The following DOCK5 variants were observed in gnomAD, a reference collection of about 807,000 sequenced individuals.
The protein encoded by DOCK5 is dedicator of cytokinesis 5.
DOCK5 carries 142 observed loss-of-function variants against 251.8 expected under a neutral mutation model. The observed-to-expected ratio is 0.56, with a 90% CI of 0.49 to 0.65. The LOEUF (loss-of-function observed/expected upper bound fraction) is 0.65. Ranked by LOEUF, DOCK5 falls within the 30% of genes least tolerant of loss-of-function variation. DOCK5 has a pLI of 0.00. For synonymous variants in DOCK5, 842 were observed against 835.5 expected (o/e 1.01, Z -0.13); for missense variants, 2,111 against 2,312.3 (o/e 0.91, Z 1.79).
chr8:25,415,559 G>T lies in DOCK5; in HGVS notation c.*4261G>T, dbSNP rs1801693170. On this transcript the variant is annotated 3_prime_UTR_variant, in exon 52 of 52. Transcript: ENST00000276440. The stretch of plus-strand genomic sequence containing the variant: ...ATTAGCCATATTTTGTGAGTCGTTT[G>T]TCTAAACTTTGTCAAAAATGCCTTT... 1 of 152,264 alleles carries T rather than the reference G, an allele frequency of 6.6e-6. No individual in the cohort carries two copies. The highest frequency in any genetic ancestry group is 2.4e-5 in the African/African-American group (1 of 41,556). 9.4% of individuals were successfully genotyped at this position (152,264 alleles called of 1,614,324 possible).
chr8:25,296,743 C>T, intron 7 of DOCK5, 95 bp downstream of exon 7: 1 of 1,486,156 alleles, frequency 6.7e-7, no homozygotes, highest in East Asian at 2.4e-5. Flanking sequence ...AACAAAACTA[C>T]TTCTGTAGTT....
At chr8:25,185,361 A>G (rs1025680500) in intron 1 of DOCK5, among the ~76,000 whole-genome samples, 2 of 152,110 alleles carry the variant, frequency 1.3e-5, no homozygotes, top group African/African-American at 2.4e-5. Context: ...ACTGGTGCTC[A>G]TTGTCCCAGT....
intron 28 of DOCK5, among the ~76,000 whole-genome samples, chr8:25,360,149 G>C (rs577248789): frequency 2.1e-4 from 32 of 152,194 alleles, no homozygotes; most frequent in Admixed American, 3.9e-4. Flanking sequence ...TAGATGGCCA[G>C]TGCCCCCATG....
intron 1 of DOCK5, among the ~76,000 whole-genome samples, chr8:25,221,467 C>G (rs1802387652): frequency 6.6e-6 from 1 of 152,180 alleles, no homozygotes; most frequent in Non-Finnish European, 1.5e-5. Context: ...CGCCACCATG[C>G]CCGGCTGATT....
chr8:25,367,789 C>T (rs1312478061), intron 31 of DOCK5, among the ~76,000 whole-genome samples: 1 of 152,140 alleles, frequency 6.6e-6, no homozygotes, highest in African/African-American at 2.4e-5. Context: ...ATGTATATTA[C>T]CCCAATATCA....
chr8:25,350,681 G>A (rs909378977), intron 26 of DOCK5, among the ~76,000 whole-genome samples: 7 of 152,336 alleles, frequency 4.6e-5, no homozygotes, highest in Admixed American at 3.9e-4. Flanking sequence ...GCGTGGTTAA[G>A]TTTTGGTTAG....
intron 27 of DOCK5, among the ~76,000 whole-genome samples, chr8:25,357,188 AG>A (rs1800591272): frequency 6.6e-6 from 1 of 151,574 alleles, no homozygotes; most frequent in Non-Finnish European, 1.5e-5. Context: ...TAAACCTCTG[AG>A]TATTAAACCT....
intron 1 of DOCK5, among the ~76,000 whole-genome samples, chr8:25,241,145 A>G (rs537996938): frequency 3.3e-5 from 5 of 152,248 alleles, no homozygotes; most frequent in Non-Finnish European, 5.9e-5. Flanking sequence ...AAAAACTGCA[A>G]TGAGATACCA....
chr8:25,368,319 T>G, intron 32 of DOCK5, 69 bp downstream of exon 32: 1 of 1,417,194 alleles, frequency 7.1e-7, no homozygotes, highest in Non-Finnish European at 9.7e-7. Flanking sequence ...ATAAAGTCTT[T>G]TTTTTATTTT....
chr8:25,192,646 C>T (rs1801613529), intron 1 of DOCK5, among the ~76,000 whole-genome samples: 1 of 152,192 alleles, frequency 6.6e-6, no homozygotes, highest in Non-Finnish European at 1.5e-5. Flanking sequence ...GCTGGAACTA[C>T]AGACACACAC....
intron 6 of DOCK5, among the ~76,000 whole-genome samples, chr8:25,295,681 A>G (rs979997576): frequency 6.6e-6 from 1 of 152,234 alleles, no homozygotes; most frequent in African/African-American, 2.4e-5. Context: ...AATGTAATAA[A>G]CAGTGAGACC....
At chr8:25,390,355 T>C in intron 42 of DOCK5, 68 bp downstream of exon 42, 1 of 1,380,494 alleles carries the variant, frequency 7.2e-7, no homozygotes, top group Non-Finnish European at 9.8e-7. Flanking sequence ...ATCTATAATC[T>C]CAACATTTTC....
intron 30 of DOCK5, 119 bp downstream of exon 30, chr8:25,364,823 G>A (rs1800748174): frequency 2.7e-6 from 2 of 734,586 alleles, no homozygotes; most frequent in Admixed American, 2.8e-5. Context: ...GTTTTCCTGT[G>A]TTTTTTCATT....
intron 26 of DOCK5, among the ~76,000 whole-genome samples, chr8:25,348,142 C>T (rs904982023): frequency 1.3e-5 from 2 of 152,042 alleles, no homozygotes; most frequent in African/African-American, 2.4e-5. Flanking sequence ...TTCTCTTATC[C>T]TCTCATCTCC....
chr8:25,195,629 A>C (rs544177370), intron 1 of DOCK5, among the ~76,000 whole-genome samples: 1 of 152,252 alleles, frequency 6.6e-6, no homozygotes, highest in African/African-American at 2.4e-5. Flanking sequence ...CTCTTATGGA[A>C]TGTGTTTCCC....
chr8:25,397,025 G>A (rs1253161682), intron 45 of DOCK5, among the ~76,000 whole-genome samples: 2 of 152,060 alleles, frequency 1.3e-5, no homozygotes, highest in Non-Finnish European at 2.9e-5. Context: ...ATAGAGACCA[G>A]CCTGGCGAAC....
chr8:25,189,018 T>C (rs1801506450), intron 1 of DOCK5, among the ~76,000 whole-genome samples: 1 of 149,566 alleles, frequency 6.7e-6, no homozygotes, highest in African/African-American at 2.4e-5. Context: ...TGCAAAGCTT[T>C]TTTTTCTTTT....
In DOCK5 at chr8:25,323,999, G is replaced by A. The variant is rs368965124; in HGVS notation, c.1719+48G>A. 83 of 1,510,866 alleles carry A rather than the reference G, an allele frequency of 5.5e-5. No homozygotes were observed. In the Middle Eastern group the frequency reaches 1.0e-3, roughly 19 times the overall value. 93.6% of individuals were successfully genotyped at this position (1,510,866 alleles called of 1,614,324 possible). On this transcript the variant is annotated intron_variant, in intron 17 of 51. Coordinates refer to ENST00000276440, the MANE Select transcript of DOCK5 (RefSeq NM_024940.8). ...GAGAAAAATACTCCCTTTCAAATGA[G>A]CATTTAAGACTCCTTTCATATTTAT...
chr8:25,258,894 G>T (rs578183746), intron 2 of DOCK5, among the ~76,000 whole-genome samples: 1 of 152,272 alleles, frequency 6.6e-6, no homozygotes, highest in East Asian at 1.9e-4. Context: ...TGAGGTGAGT[G>T]GATCACTTGA....
Sources: allele counts gnomAD v4.1 joint callset (sites outside exome capture counted in the v4.1 genomes callset), GRCh38; gene constraint gnomAD v4.1.1; transcripts MANE v1.5; gene names NCBI Gene and HGNC (gene_info 2026-07-23, HGNC 2026-07-21).